Variants in HPSE2 observed in about 807,000 individuals in gnomAD.
The protein encoded by HPSE2 is inactive heparanase-2.
HPSE2 carries 38 observed loss-of-function variants against 60.5 expected under a neutral mutation model. That is an observed-to-expected ratio of 0.63 (90% CI 0.48 to 0.82). The LOEUF is 0.82. Ranked by LOEUF, HPSE2 falls within the 40% of genes least tolerant of loss-of-function variation. The pLI, the probability that HPSE2 is intolerant of heterozygous loss-of-function variation, is 0.00. For missense variants in HPSE2, 713 were observed against 740.4 expected (o/e 0.96, Z 0.43); for synonymous variants, 295 against 293.2 (o/e 1.01, Z -0.06).
intron 9 of HPSE2, among the ~76,000 whole-genome samples, chr10:98,509,245 C>T (rs1023636495): frequency 1.4e-4 from 21 of 151,782 alleles, no homozygotes; most frequent in African/African-American, 3.1e-4. Flanking sequence ...ACCCAGGAAG[C>T]GGGGGTTGCA....
At chr10:98,684,638 G>C (rs1947866744) in intron 6 of HPSE2, among the ~76,000 whole-genome samples, 1 of 152,078 alleles carries the variant, frequency 6.6e-6, no homozygotes, top group African/African-American at 2.4e-5. Flanking sequence ...GGAGGTATGA[G>C]AGCTAAATTC....
chr10:98,570,676 C>A (rs1025948446), intron 9 of HPSE2, among the ~76,000 whole-genome samples: 1 of 151,916 alleles, frequency 6.6e-6, no homozygotes, highest in Non-Finnish European at 1.5e-5. Flanking sequence ...TAAAATAGAC[C>A]CACCAGATGA....
chr10:98,744,960 T>C (rs1949591864), intron 3 of HPSE2, among the ~76,000 whole-genome samples: 1 of 152,200 alleles, frequency 6.6e-6, no homozygotes, highest in Non-Finnish European at 1.5e-5. Context: ...TCCAGCACTT[T>C]GGGAGGCCGA....
In HPSE2 at chr10:98,666,624, A is replaced by G. The variant is rs79339821; in HGVS notation, c.1005-24684T>C. ...ACAATAAAAATAGAAATTAATACCA[A>G]GAAGATCTCTCAGAACTACACAAAA... On this transcript the variant is annotated intron_variant, in intron 6 of 11. Transcript: ENST00000370552. Among the ~76,000 whole-genome samples, 12 of 152,342 alleles carry G rather than the reference A, an allele frequency of 7.9e-5. No homozygotes were observed. The East Asian group carries it at 2.3e-3, about 29-fold the overall frequency.
intron 9 of HPSE2, among the ~76,000 whole-genome samples, chr10:98,537,931 G>C (rs1159924749): frequency 3.9e-5 from 6 of 152,212 alleles, no homozygotes; most frequent in Admixed American, 6.5e-5. Context: ...AGCGGTAGAA[G>C]AAATAGTGAA....
At chr10:98,903,565 G>T (rs755305009) in intron 3 of HPSE2, among the ~76,000 whole-genome samples, 1 of 152,004 alleles carries the variant, frequency 6.6e-6, no homozygotes, top group South Asian at 2.1e-4. Flanking sequence ...CTCGTTTCTT[G>T]CTTCAGTGGC....
In HPSE2 at chr10:98,940,067, G is replaced by C. The variant is rs771159333; in HGVS notation, c.611-196011C>G. 3.5e-5 allele frequency among the ~76,000 whole-genome samples: 5 copies of C among 142,532 alleles called. 1 individual carries two copies. The highest frequency in any genetic ancestry group is 7.5e-5 in the Non-Finnish European group (5 of 66,920). 93.5% of individuals were successfully genotyped at this position (142,532 alleles called of 152,430 possible). On this transcript the variant is annotated intron_variant, in intron 3 of 11. Transcript: ENST00000370552. ...AAGACACAACATACCAGAATCTCTG[G>C]GACACATTCAAAGCAGTGTAAAGAG...
chr10:98,671,972 A>T (rs916467144), intron 6 of HPSE2, among the ~76,000 whole-genome samples: 40 of 152,222 alleles, frequency 2.6e-4, no homozygotes, highest in African/African-American at 9.4e-4. Context: ...CAGAACAGGA[A>T]ATGCAAATAT....
intron 3 of HPSE2, among the ~76,000 whole-genome samples, chr10:98,926,026 G>A (rs1478642754): frequency 6.6e-6 from 1 of 151,958 alleles, no homozygotes; most frequent in African/African-American, 2.4e-5. Context: ...TTAATAGGAG[G>A]AATAGGGGAA....
chr10:99,240,147 C>G (rs557785267), upstream of HPSE2, among the ~76,000 whole-genome samples: 4 of 152,082 alleles, frequency 2.6e-5, no homozygotes, highest in South Asian at 8.3e-4. Context: ...CGAGATCATG[C>G]CATTGCACTC....
Position 99,198,928 on chromosome 10 carries a change from G to A in HPSE2, c.448+33420C>T, listed in dbSNP as rs116363328. On this transcript the variant is annotated intron_variant, in intron 2 of 11. Coordinates refer to ENST00000370552, the MANE Select transcript of HPSE2 (RefSeq NM_021828.5). Reference sequence around the variant, plus strand: ...ACTATCTCAAATACTTCATATAAGCGAGATCATGCAATATTTGTCCTTCTG... The same window carrying A: ...ACTATCTCAAATACTTCATATAAGCAAGATCATGCAATATTTGTCCTTCTG... Among the ~76,000 whole-genome samples, 866 of 152,110 alleles carry A rather than the reference G, an allele frequency of 5.7e-3. 7 individuals are homozygous for A. The highest frequency in any genetic ancestry group is 0.02 in the African/African-American group (814 of 41,510).
intron 6 of HPSE2, among the ~76,000 whole-genome samples, chr10:98,649,472 C>G (rs1946860468): frequency 6.6e-6 from 1 of 152,280 alleles, no homozygotes; most frequent in South Asian, 2.1e-4. Flanking sequence ...TCCCTTTGTA[C>G]TTTGATCTGC....
chr10:98,580,824 T>TTATATA (rs779671429), intron 9 of HPSE2, among the ~76,000 whole-genome samples: 29 of 128,574 alleles, frequency 2.3e-4, no homozygotes, highest in East Asian at 6.9e-4. Flanking sequence ...GTGCTTGGTT[T>TTATATA]TATATATATA....
At chr10:98,830,542 A>G (rs1038427210) in intron 3 of HPSE2, among the ~76,000 whole-genome samples, 1 of 152,178 alleles carries the variant, frequency 6.6e-6, no homozygotes, top group African/African-American at 2.4e-5. Context: ...TACTGGGAAG[A>G]GGGTGAAGAA....
chr10:99,261,282 G>T, the HPSE2 span, among the ~76,000 whole-genome samples: 1 of 151,882 alleles, frequency 6.6e-6, no homozygotes, highest in Admixed American at 6.6e-5. Context: ...GCCGAGCCAG[G>T]TCCCAATTGT....
chr10:98,524,898 T>A (rs1217218571), intron 9 of HPSE2, among the ~76,000 whole-genome samples: 1 of 152,234 alleles, frequency 6.6e-6, no homozygotes, highest in Admixed American at 6.5e-5. Flanking sequence ...TTATTTAAAA[T>A]TTTAACTTTT....
intron 3 of HPSE2, among the ~76,000 whole-genome samples, chr10:98,751,307 C>T (rs116081169): frequency 0.014 from 2,056 of 152,206 alleles, 39 homozygotes; most frequent in African/African-American, 0.046. Flanking sequence ...AATGATGGAG[C>T]AACAACTGTT....
At chr10:99,274,356 A>T in the HPSE2 span, among the ~76,000 whole-genome samples, 5 of 152,192 alleles carry the variant, frequency 3.3e-5, no homozygotes, top group Non-Finnish European at 7.3e-5. Flanking sequence ...GAAACAGTGT[A>T]AGGCAAGAAG....
intron 3 of HPSE2, among the ~76,000 whole-genome samples, chr10:98,953,983 T>C (rs1021447158): frequency 2.6e-5 from 4 of 152,184 alleles, no homozygotes; most frequent in Admixed American, 1.3e-4. Flanking sequence ...GTTATTACTA[T>C]TGAGAAGAAA....
Sources: allele counts gnomAD v4.1 joint callset (sites outside exome capture counted in the v4.1 genomes callset), GRCh38; gene constraint gnomAD v4.1.1; transcripts MANE v1.5; gene names NCBI Gene and HGNC (gene_info 2026-07-23, HGNC 2026-07-21).